Variants in ARPC1A observed in about 807,000 individuals in gnomAD.
The protein encoded by ARPC1A is actin related protein 2/3 complex subunit 1A.
ARPC1A carries 8 observed loss-of-function variants against 46.9 expected under a neutral mutation model. That is an observed-to-expected ratio of 0.17 (90% confidence interval 0.10 to 0.31). The LOEUF is 0.31. Among genes scored for constraint, ARPC1A ranks in the 10% least tolerant of loss-of-function variants. The pLI is 1.00. For synonymous variants in ARPC1A, 152 were observed against 169.0 expected, an observed-to-expected ratio of 0.90 and a Z score of 0.78; for missense variants, 286 against 483.6, an observed-to-expected ratio of 0.59 and a Z score of 3.83.
At chr7:99,363,414 C>A in intron 8 of ARPC1A, 129 bp from the exon 9 acceptor site, 1 of 721,764 alleles carries the variant, frequency 1.4e-6, no homozygotes, top group Non-Finnish European at 2.3e-6. Flanking sequence ...ACCCGCATCC[C>A]AGCTCTATTT....
intron 3 of ARPC1A, among the ~76,000 whole-genome samples, chr7:99,342,511 C>T (rs1230371571): frequency 6.6e-6 from 1 of 151,516 alleles, no homozygotes; most frequent in Non-Finnish European, 1.5e-5. Flanking sequence ...CGCCACTGCA[C>T]TCCAGTCTAG....
At chr7:99,352,994 T>C (rs1033230575) in intron 5 of ARPC1A, among the ~76,000 whole-genome samples, 2 of 151,694 alleles carry the variant, frequency 1.3e-5, no homozygotes, top group Non-Finnish European at 2.9e-5. Context: ...TACTAGAATA[T>C]GGATTTGCCA....
intron 2 of ARPC1A, among the ~76,000 whole-genome samples, chr7:99,335,936 A>G (rs1179084611): frequency 6.6e-6 from 1 of 151,790 alleles, no homozygotes; most frequent in Admixed American, 6.6e-5. Context: ...CCTTGGCAAC[A>G]GAGTGAGACT....
chr7:99,363,704 CCTT>C (rs1793779290), intron 9 of ARPC1A, 71 bp downstream of exon 9: 1 of 1,113,604 alleles, frequency 9.0e-7, no homozygotes, highest in Non-Finnish European at 1.3e-6. Context: ...GAGATAGGCT[CCTT>C]CTCTGTCACC....
At position 99,348,873 on chromosome 7, in the gene ARPC1A, A is replaced by G; in HGVS notation, c.414A>G (p.Lys138=). ...ENDWWVSKHI[K]KPIRSTVLSL... ...ATAGGTGGGTGAGCAAGCACATTAA[A>G]AAGCCGATTCGCTCCACAGTCCTCA... Residue 138 remains lysine (K), a synonymous_variant, in exon 5 of 10, where the codon AAA becomes AAG. Transcript: ENST00000262942. 6.2e-7 allele frequency: 1 copy of G among 1,613,988 alleles called. No homozygotes were observed. Among genetic ancestry groups the G allele is most frequent in the Non-Finnish European group, 8.5e-7 (1 of 1,179,910 alleles).
intron 7 of ARPC1A, 189 bp downstream of exon 7, chr7:99,358,604 G>C: frequency 1.9e-6 from 1 of 539,326 alleles, no homozygotes; most frequent in Non-Finnish European, 3.2e-6. Context: ...TGCAATGGGT[G>C]ATCTTGACTC....
In ARPC1A at chr7:99,327,152, T is replaced by C. The variant is rs117893251; in HGVS notation, c.-30+1148T>C. ...GGGGCATCAGTCAGGAAGGTGTTTTTGTCCTGTTAGGGAGTGGGTAACTGT... is the reference window on the plus strand; with the variant it reads ...GGGGCATCAGTCAGGAAGGTGTTTTCGTCCTGTTAGGGAGTGGGTAACTGT... On this transcript the variant is annotated intron_variant, in intron 1 of 9. Coordinates refer to ENST00000262942, the MANE Select transcript of ARPC1A (RefSeq NM_006409.4). Among the ~76,000 whole-genome samples, 4 of 152,210 alleles carry C rather than the reference T, an allele frequency of 2.6e-5. No homozygotes were observed. The East Asian group carries it at 7.7e-4, about 29-fold the overall frequency.
chr7:99,360,279 A>T (rs1339125888), intron 8 of ARPC1A: 1 of 158,296 alleles, frequency 6.3e-6, no homozygotes, highest in Non-Finnish European at 1.4e-5. Flanking sequence ...CATCAGGTAT[A>T]TGTAATTATG....
chr7:99,353,807 C>T (rs1306016174), intron 5 of ARPC1A, 102 bp from the exon 6 acceptor site: 70 of 1,172,020 alleles, frequency 6.0e-5, no homozygotes, highest in Non-Finnish European at 8.4e-5. Context: ...AATGAGTCAA[C>T]CTCTTTGCAT....
intron 3 of ARPC1A, among the ~76,000 whole-genome samples, chr7:99,339,056 C>T (rs976529023): frequency 5.9e-5 from 9 of 152,114 alleles, no homozygotes; most frequent in African/African-American, 2.2e-4. Context: ...CAACTTTTTC[C>T]CTGTGCCAGG....
chr7:99,328,000 G>A lies in ARPC1A; in HGVS notation c.-30+1996G>A, dbSNP rs185569163. The stretch of plus-strand genomic sequence containing the variant: ...GGCATTTTCAAGCTCCAAAGGAGTA[G>A]GGCCAAGAATTTATAGCATATGTCA... On this transcript the variant is annotated intron_variant, in intron 1 of 9. Coordinates refer to ENST00000262942, the MANE Select transcript of ARPC1A (RefSeq NM_006409.4). Among the ~76,000 whole-genome samples, 3 of 150,822 alleles carry A rather than the reference G, an allele frequency of 2.0e-5. No homozygotes were observed. In the East Asian group the frequency reaches 6.5e-4, roughly 33 times the overall value.
intron 3 of ARPC1A, among the ~76,000 whole-genome samples, chr7:99,338,658 A>T (rs1005297826): frequency 1.3e-5 from 2 of 152,042 alleles, no homozygotes; most frequent in African/African-American, 4.8e-5. Context: ...TGCTGGGATT[A>T]CAGGAGTGAG....
At chr7:99,339,696 C>T (rs1793327275) in intron 3 of ARPC1A, among the ~76,000 whole-genome samples, 3 of 152,190 alleles carry the variant, frequency 2.0e-5, no homozygotes, top group Admixed American at 6.5e-5. Flanking sequence ...CTTTTAACCA[C>T]TCTTTAGCAT....
chr7:99,358,998 ATTT>A (rs1793691270), intron 7 of ARPC1A, among the ~76,000 whole-genome samples: 1 of 151,070 alleles, frequency 6.6e-6, no homozygotes, highest in Admixed American at 6.6e-5. Flanking sequence ...CGCCGGGCTA[ATTT>A]TTTTTATTTT....
chr7:99,344,187 T>G lies in ARPC1A; in HGVS notation c.170-106T>G, dbSNP rs73709643. 2,606 of 996,136 alleles carry G rather than the reference T, an allele frequency of 2.6e-3. 43 individuals are homozygous for G. The African/African-American group carries it at 0.037, about 14-fold the overall frequency. 61.7% of individuals were successfully genotyped at this position (996,136 alleles called of 1,614,324 possible). On this transcript the variant is annotated intron_variant, in intron 3 of 9. Coordinates refer to ENST00000262942, the MANE Select transcript of ARPC1A (RefSeq NM_006409.4). ...GGGAAGGATGTGCCTGGGAGGAAGG[T>G]CCCAAGACCACGTCTCATCCTGGCA... is the stretch of plus-strand genomic sequence containing the variant.
intron 3 of ARPC1A, among the ~76,000 whole-genome samples, chr7:99,340,894 G>A (rs566872495): frequency 1.3e-4 from 20 of 152,302 alleles, no homozygotes; most frequent in African/African-American, 1.9e-4. Context: ...ACCAAAGACA[G>A]CGTTTCTATT....
chr7:99,362,682 G>T lies in ARPC1A; in HGVS notation c.984-861G>T, dbSNP rs577636792. 6.6e-5 allele frequency among the ~76,000 whole-genome samples: 10 copies of T among 151,706 alleles called. No individual in the cohort carries two copies. The South Asian group carries it at 2.1e-3, about 32-fold the overall frequency. ...TTTTATTTAAGCTCACAGGCTGTACGGGCATAGGCAGTGTGTGCCATAGTT... is the reference window on the plus strand; with the variant it reads ...TTTTATTTAAGCTCACAGGCTGTACTGGCATAGGCAGTGTGTGCCATAGTT... On this transcript the variant is annotated intron_variant, in intron 8 of 9. Coordinates refer to ENST00000262942, the MANE Select transcript of ARPC1A (RefSeq NM_006409.4).
At chr7:99,332,377 A>G (rs1316913002) in intron 1 of ARPC1A, among the ~76,000 whole-genome samples, 1 of 152,182 alleles carries the variant, frequency 6.6e-6, no homozygotes, top group African/African-American at 2.4e-5. Context: ...AGATTGATCC[A>G]CTATTTATAA....
intron 5 of ARPC1A, 43 bp from the exon 6 acceptor site, chr7:99,353,866 T>C (rs1584384210): frequency 6.3e-7 from 1 of 1,582,708 alleles, no homozygotes; most frequent in Non-Finnish European, 8.7e-7. Flanking sequence ...TATATACATA[T>C]ATTTTCATTT....
Sources: allele counts gnomAD v4.1 joint callset (sites outside exome capture counted in the v4.1 genomes callset), GRCh38; gene constraint gnomAD v4.1.1; transcripts MANE v1.5; gene names NCBI Gene and HGNC (gene_info 2026-07-23, HGNC 2026-07-21).